OPTN: variants seen among roughly 807,000 people sequenced by gnomAD.
OPTN encodes E3-14.7K-interacting protein.
In OPTN, 54 loss-of-function variants were observed where a neutral mutation model predicts 70.4. That is an observed-to-expected ratio of 0.77 (90% CI 0.62 to 0.96). OPTN has a LOEUF of 0.96. Among genes scored for constraint, OPTN ranks in the 40% least tolerant of loss-of-function variants. The pLI, the probability that OPTN is intolerant of heterozygous loss-of-function variation, is 0.00. For synonymous variants in OPTN, 256 were observed against 248.5 expected (o/e 1.03, Z -0.28); for missense variants, 624 against 673.2 (o/e 0.93, Z 0.81).
intron 9 of OPTN, 75 bp downstream of exon 9, chr10:13,124,185 A>G (rs1833411725): frequency 7.1e-6 from 6 of 848,034 alleles, no homozygotes; most frequent in Non-Finnish European, 9.5e-6. Flanking sequence ...ATAAAAACAT[A>G]GTTTTTTAAC....
rs1485071234 is a variant in OPTN, at chr10:13,125,421, T to TCAGG, written c.1004_1007dup (p.Leu337GlyfsTer3). ...ATGAAATCTTGACCTTTCTTAGGTG[T>TCAGG]CAGGCCCTTGAAAGGAAAAATTCTG... On this transcript the variant is annotated frameshift_variant, in exon 10 of 15. Transcript: ENST00000378747. LOFTEE classifies it high-confidence loss of function. The TCAGG allele has an allele frequency of 1.2e-6, 2 of 1,614,102 alleles. No individual in the cohort carries two copies. Among genetic ancestry groups the TCAGG allele is most frequent in the African/African-American group, 2.7e-5 (2 of 75,050 alleles).
Position 13,110,364 on chromosome 10 carries a change from T to C in OPTN, c.257T>C (p.Phe86Ser). Reference sequence around the variant, plus strand: ...AAACAGAAGGAAGAACGCCAGTTTTTTGAGATACAGAGCAAAGAAGCAAAA... The same window carrying C: ...AAACAGAAGGAAGAACGCCAGTTTTCTGAGATACAGAGCAAAGAAGCAAAA... ...TEKQKEERQF[F>S]EIQSKEAKER... Residue 86 changes from phenylalanine to serine, a missense_variant, in exon 4 of 15, where the codon TTT becomes TCT. By Grantham distance (155) the Phe-to-Ser change is radical. Transcript: ENST00000378747. 1 of 1,614,150 alleles carries C rather than the reference T, an allele frequency of 6.2e-7. No homozygotes were observed. The highest frequency in any genetic ancestry group is 8.5e-7 in the Non-Finnish European group (1 of 1,180,024).
At chr10:13,100,512 GAGGGTGGGTAGTGAACAC>G (rs1832717027) in intron 1 of OPTN, among the ~76,000 whole-genome samples, 2 of 152,234 alleles carry the variant, frequency 1.3e-5, no homozygotes, top group South Asian at 4.1e-4. Flanking sequence ...CCTGGTGGGA[GAGGGTGGGTAGTGAACAC>G]AGGGTGGGCC....
chr10:13,134,171 C>T (rs937702953), intron 14 of OPTN, among the ~76,000 whole-genome samples: 5 of 152,202 alleles, frequency 3.3e-5, no homozygotes, highest in African/African-American at 1.2e-4. Flanking sequence ...CAGACTGAAT[C>T]ATCCCCTTGA....
chr10:13,122,363 T>G (rs766083165), intron 7 of OPTN, 22 bp from the exon 8 acceptor site: 21 of 1,543,158 alleles, frequency 1.4e-5, no homozygotes, highest in Admixed American at 3.3e-5. Context: ...AAGTAACTTT[T>G]CTATCTTCTG....
At chr10:13,128,929 G>A (rs1468506097) in intron 12 of OPTN, among the ~76,000 whole-genome samples, 1 of 152,020 alleles carries the variant, frequency 6.6e-6, no homozygotes, top group Admixed American at 6.5e-5. Flanking sequence ...CTCTCATAAA[G>A]GTGTCATTTG....
At chr10:13,115,241 ATATATCTATATT>A (rs1347870527) in intron 5 of OPTN, among the ~76,000 whole-genome samples, 1 of 24,294 alleles carries the variant, frequency 4.1e-5, no homozygotes, top group Non-Finnish European at 7.0e-5. Flanking sequence ...ATATATCTAT[ATATATCTATATT>A]TATATCTATA....
At chr10:13,113,667 A>G (rs1165578005) in intron 5 of OPTN, among the ~76,000 whole-genome samples, 5 of 152,202 alleles carry the variant, frequency 3.3e-5, no homozygotes, top group Admixed American at 3.3e-4. Flanking sequence ...CTTCATTGCT[A>G]CTAACAAAGA....
At chr10:13,115,218 T>G (rs1833143676) in intron 5 of OPTN, among the ~76,000 whole-genome samples, 4 of 88,860 alleles carry the variant, frequency 4.5e-5, no homozygotes, top group Non-Finnish European at 8.0e-5. Context: ...TTTATATATA[T>G]ATTTATATAT....
intron 5 of OPTN, among the ~76,000 whole-genome samples, chr10:13,115,435 A>AAT (rs1453258233): frequency 9.5e-6 from 1 of 104,780 alleles, no homozygotes; most frequent in Non-Finnish European, 1.7e-5. Context: ...TATAATATAG[A>AAT]ATATATATAA....
In OPTN at chr10:13,127,836, A is replaced by T; in HGVS notation, c.1334A>T (p.Asp445Val). The change falls in exon 12 of 15, where the codon GAT (aspartate) becomes GTT (valine). Residue 445 changes from aspartate (D) to valine (V), a missense_variant. Coordinates refer to ENST00000378747, the MANE Select transcript of OPTN (RefSeq NM_001008212.2). The stretch of plus-strand genomic sequence containing the variant: ...CTGGCTTCCAAACAGCTGCAAATGG[A>T]TGAAATGAAGCAAACCATTGCCAAG... ...KALASKQLQM[D>V]EMKQTIAKQE... is the part of the protein sequence containing the mutation. The T allele has an allele frequency of 6.2e-7, 1 of 1,614,160 alleles. No homozygotes were observed. The highest frequency in any genetic ancestry group is 1.1e-5 in the South Asian group (1 of 91,080).
intron 13 of OPTN, 53 bp downstream of exon 13, chr10:13,132,250 G>T: frequency 6.2e-7 from 1 of 1,601,130 alleles, no homozygotes; most frequent in Non-Finnish European, 8.5e-7. Context: ...GGCCGTAGAA[G>T]AGGTGCCTGT....
intron 12 of OPTN, among the ~76,000 whole-genome samples, chr10:13,129,356 CTT>C (rs780049166): frequency 4.9e-5 from 7 of 142,288 alleles, no homozygotes; most frequent in Non-Finnish European, 9.3e-5. Context: ...AAGCATCAAA[CTT>C]TTTTTTTTTT....
At chr10:13,106,892 A>C (rs1832876948) in intron 1 of OPTN, among the ~76,000 whole-genome samples, 1 of 152,204 alleles carries the variant, frequency 6.6e-6, no homozygotes, top group Non-Finnish European at 1.5e-5. Context: ...CAGGGTTCAC[A>C]CAGGCTCCAT....
At chr10:13,114,845 A>ATTATATAATTATATAC (rs1173374847) in intron 5 of OPTN, among the ~76,000 whole-genome samples, 1 of 104,642 alleles carries the variant, frequency 9.6e-6, no homozygotes. Context: ...TAATTATATA[A>ATTATATAATTATATAC]TTGTATAATA....
Position 13,122,416 on chromosome 10 carries a change from C to T in OPTN, c.811C>T (p.Arg271Cys), listed in dbSNP as rs540943401. The T allele has an allele frequency of 1.5e-5, 24 of 1,613,542 alleles. No homozygotes were observed. In the East Asian group the frequency reaches 2.2e-4, roughly 15 times the overall value. The change falls in exon 8 of 15, where the codon CGT (arginine) becomes TGT (cysteine). Residue 271 changes from arginine (R) to cysteine (C), a missense_variant. Coordinates refer to ENST00000378747, the MANE Select transcript of OPTN (RefSeq NM_001008212.2). ...VSDFEKKTSN[R>C]SEIETQTEGS... ...AGATTTTGAAAAGAAAACAAGTAATCGTTCTGAGATTGAAACCCAGACAGA... is the reference window on the plus strand; with the variant it reads ...AGATTTTGAAAAGAAAACAAGTAATTGTTCTGAGATTGAAACCCAGACAGA...
At chr10:13,118,271 A>G (rs561853742) in intron 6 of OPTN, among the ~76,000 whole-genome samples, 1 of 152,314 alleles carries the variant, frequency 6.6e-6, no homozygotes, top group Admixed American at 6.5e-5. Context: ...TAGCATCATC[A>G]TAGTCATCCC....
At chr10:13,110,781 T>G (rs979427097) in intron 4 of OPTN, among the ~76,000 whole-genome samples, 2 of 152,242 alleles carry the variant, frequency 1.3e-5, no homozygotes, top group Non-Finnish European at 2.9e-5. Context: ...GGCCTCTGCC[T>G]AGAACCAACA....
At chr10:13,131,997 A>G (rs1833602136) in intron 12 of OPTN, 70 bp from the exon 13 acceptor site, 7 of 1,506,486 alleles carry the variant, frequency 4.6e-6, no homozygotes, top group Admixed American at 1.7e-5. Context: ...CTACCTCCTC[A>G]TCGCATAAAC....
Sources: gnomAD v4.1 joint callset for allele counts (sites outside exome capture counted in the v4.1 genomes callset) on GRCh38, gnomAD v4.1.1 for gene constraint, MANE v1.5 for transcripts, NCBI Gene and HGNC (gene_info 2026-07-23, HGNC 2026-07-21) for gene names.